The following CLIP2 variants were observed in gnomAD, a reference collection of about 807,000 sequenced individuals.
The protein encoded by CLIP2 is CAP-Gly domain-containing linker protein 2.
A neutral mutation model predicts 111.7 loss-of-function variants in CLIP2; 41 were observed. The observed-to-expected ratio is 0.37, with a 90% CI of 0.29 to 0.48. CLIP2 has a LOEUF of 0.48. Ranked by LOEUF, CLIP2 falls within the 20% of genes least tolerant of loss-of-function variation. CLIP2 has a pLI of 0.99. For missense variants in CLIP2, 1,160 were observed against 1,422.1 expected, an observed-to-expected ratio of 0.82 and a Z score of 2.96; for synonymous variants, 660 against 644.2, an observed-to-expected ratio of 1.02 and a Z score of -0.37.
chr7:74,304,094 A>G (rs1554727324), intron 1 of CLIP2, among the ~76,000 whole-genome samples: 4 of 144,402 alleles, frequency 2.8e-5, no homozygotes, highest in Admixed American at 7.0e-5. Flanking sequence ...TTTTTTTTTA[A>G]TAGGAGGTGA....
intron 2 of CLIP2, among the ~76,000 whole-genome samples, chr7:74,321,979 A>AT (rs1788968502): frequency 9.4e-6 from 1 of 106,762 alleles, no homozygotes; most frequent in Non-Finnish European, 2.0e-5. Flanking sequence ...ATTTTATTTT[A>AT]TTTTTCCTTT....
chr7:74,362,067 G>A (rs1790343659), intron 7 of CLIP2, among the ~76,000 whole-genome samples: 1 of 150,676 alleles, frequency 6.6e-6, no homozygotes, highest in African/African-American at 2.4e-5. Context: ...CACCACTACA[G>A]TACAGCTGGG....
At position 74,404,865 on chromosome 7, in the gene CLIP2, C is replaced by T. The variant is rs1454122331; in HGVS notation, c.*1017C>T. The T allele has an allele frequency of 6.6e-6, 1 of 152,212 alleles. No homozygotes were observed. The highest frequency in any genetic ancestry group is 1.5e-5 in the Non-Finnish European group (1 of 68,056). 9.4% of individuals were successfully genotyped at this position (152,212 alleles called of 1,614,324 possible). A position where few individuals can be genotyped will look rare whatever the true frequency, so the allele number is the denominator to read the frequency against. ...GGCGGCGTTTGCTGTGAACCACGCTCAGGCCACACAGAGACACATACTTGG... is the reference window on the plus strand; with the variant it reads ...GGCGGCGTTTGCTGTGAACCACGCTTAGGCCACACAGAGACACATACTTGG... On this transcript the variant is annotated 3_prime_UTR_variant, in exon 17 of 17. Coordinates refer to ENST00000223398, the MANE Select transcript of CLIP2 (RefSeq NM_003388.5).
At chr7:74,345,673 C>A (rs1584345817) in intron 3 of CLIP2, among the ~76,000 whole-genome samples, 1 of 151,828 alleles carries the variant, frequency 6.6e-6, no homozygotes, top group South Asian at 2.1e-4. Flanking sequence ...ATGGGGAAAC[C>A]CCGTCTCTGC....
chr7:74,345,583 C>G (rs1789777464), intron 3 of CLIP2, among the ~76,000 whole-genome samples: 1 of 151,694 alleles, frequency 6.6e-6, no homozygotes, highest in Non-Finnish European at 1.5e-5. Flanking sequence ...TGCCTGTAAT[C>G]CCAGCATTTT....
chr7:74,356,563 C>G lies in CLIP2; in HGVS notation c.957C>G (p.Ser319=). 1 of 1,614,214 alleles carries G rather than the reference C, an allele frequency of 6.2e-7. No individual in the cohort carries two copies. The highest frequency in any genetic ancestry group is 8.5e-7 in the Non-Finnish European group (1 of 1,180,046). The change falls in exon 5 of 17, where the codon TCC becomes TCG. Residue 319 remains serine (S), a synonymous_variant. Transcript: ENST00000223398. ...SALTHSPSSS[S]ISSVSSVASS... ...TGACCCACAGTCCCAGCAGTTCCTC[C>G]ATCAGCTCCGTCAGCTCTGTGGCCT... is the stretch of plus-strand genomic sequence containing the variant.
chr7:74,349,770 C>T (rs917692541), intron 3 of CLIP2, among the ~76,000 whole-genome samples: 9 of 151,422 alleles, frequency 5.9e-5, no homozygotes, highest in African/African-American at 1.5e-4. Flanking sequence ...TGCACCACCA[C>T]GCCCCGCTAA....
At chr7:74,395,970 G>C (rs1554316616) in intron 13 of CLIP2, among the ~76,000 whole-genome samples, 1 of 152,210 alleles carries the variant, frequency 6.6e-6, no homozygotes, top group East Asian at 1.9e-4. Context: ...ATAGCAGAAA[G>C]GAGGAGGAAA....
intron 13 of CLIP2, among the ~76,000 whole-genome samples, chr7:74,390,160 AAGAAG>A (rs1262075412): frequency 2.1e-5 from 1 of 46,876 alleles, no homozygotes; most frequent in African/African-American, 1.0e-4. Context: ...AAAAGAAAGA[AAGAAG>A]AAAGAAAGAA....
At chr7:74,330,347 C>T (rs1789245726) in intron 2 of CLIP2, among the ~76,000 whole-genome samples, 1 of 151,630 alleles carries the variant, frequency 6.6e-6, no homozygotes, top group South Asian at 2.1e-4. Flanking sequence ...ATCTCCACCT[C>T]CTAAGTTCAA....
Position 74,338,142 on chromosome 7 carries a change from C to T in CLIP2, c.122-306C>T, listed in dbSNP as rs1396392765. ...GCTGGAGCCCAGGAAGTCAAGACTG[C>T]AGTGAGCCACCATATCGCCAATGCA... On this transcript the variant is annotated intron_variant, in intron 2 of 16. Coordinates refer to ENST00000223398, the MANE Select transcript of CLIP2 (RefSeq NM_003388.5). The surrounding 1 kb of genome is among the most constrained non-coding windows in gnomAD (Gnocchi z 4.3). 6.6e-6 allele frequency among the ~76,000 whole-genome samples: 1 copy of T among 152,138 alleles called. No individual in the cohort carries two copies. The highest frequency in any genetic ancestry group is 6.6e-5 in the Admixed American group (1 of 15,256).
chr7:74,334,691 G>A (rs1376313034), intron 2 of CLIP2, among the ~76,000 whole-genome samples: 7 of 152,046 alleles, frequency 4.6e-5, no homozygotes, highest in Admixed American at 6.6e-5. Context: ...TCAAGAGGGA[G>A]GGTTCTGGCT....
At chr7:74,346,733 A>C (rs797034547) in intron 3 of CLIP2, among the ~76,000 whole-genome samples, 9 of 62,544 alleles carry the variant, frequency 1.4e-4, no homozygotes, top group South Asian at 6.3e-4. Flanking sequence ...AAAAAAAAAA[A>C]AAAAAAAAAC....
chr7:74,374,368 G>T (rs1396687613), intron 9 of CLIP2, among the ~76,000 whole-genome samples: 1 of 152,166 alleles, frequency 6.6e-6, no homozygotes, highest in Non-Finnish European at 1.5e-5. Context: ...ACGGCGGACC[G>T]GCCGGAGCCC....
intron 6 of CLIP2, among the ~76,000 whole-genome samples, chr7:74,359,399 G>C (rs1790251026): frequency 6.7e-6 from 1 of 148,368 alleles, no homozygotes. Flanking sequence ...TGTCGCCCAG[G>C]CTGGAGTGCA....
chr7:74,308,972 A>G (rs1309868269), intron 1 of CLIP2, among the ~76,000 whole-genome samples: 4 of 152,086 alleles, frequency 2.6e-5, no homozygotes, highest in Middle Eastern at 3.4e-3. Flanking sequence ...GGCTGAAGCA[A>G]TCCTCTCACC....
intron 2 of CLIP2, among the ~76,000 whole-genome samples, chr7:74,334,320 A>G (rs1158312728): frequency 6.6e-6 from 1 of 152,100 alleles, no homozygotes; most frequent in East Asian, 1.9e-4. Context: ...TGCAGTTGCC[A>G]TGGGCTCGTG....
Position 74,338,560 on chromosome 7 carries a change from C to T in CLIP2, c.234C>T (p.Asp78=), listed in dbSNP as rs1789550190. The change falls in exon 3 of 17, where the codon GAC becomes GAT. Residue 78 remains aspartate (D), a synonymous_variant. Coordinates refer to ENST00000223398, the MANE Select transcript of CLIP2 (RefSeq NM_003388.5). The surrounding 1 kb of genome is among the most constrained non-coding windows in gnomAD (Gnocchi z 4.3). ...AAEVGDDFLG[D]FVVGERVWVN... ...AAGTGGGGGATGACTTCCTGGGGGA[C>T]TTTGTGGTGGGCGAGCGGGTGTGGG... 4 of 1,589,788 alleles carry T rather than the reference C, an allele frequency of 2.5e-6. No homozygotes were observed. The highest frequency in any genetic ancestry group is 2.3e-5 in the South Asian group (2 of 88,446).
intron 9 of CLIP2, 75 bp downstream of exon 9, chr7:74,373,111 A>G (rs550080199): frequency 2.5e-6 from 2 of 807,708 alleles, no homozygotes; most frequent in East Asian, 2.7e-5. Context: ...TCTCTGTTTC[A>G]TTATTGACTC....
Sources: allele counts gnomAD v4.1 joint callset (sites outside exome capture counted in the v4.1 genomes callset), GRCh38; gene constraint gnomAD v4.1.1; non-coding constraint Gnocchi (gnomAD v3.1); transcripts MANE v1.5; gene names NCBI Gene and HGNC (gene_info 2026-07-23, HGNC 2026-07-21).